CORO7: variants seen among roughly 807,000 people sequenced by gnomAD.
CORO7 encodes the protein coronin-7.
CORO7 carries 107 observed loss-of-function variants against 126.6 expected under a neutral mutation model. The ratio of observed to expected loss-of-function variants is 0.85; its 90% confidence interval spans 0.72 to 0.99. The LOEUF is 0.99. CORO7 is among the 50% of genes least tolerant of loss of function. The pLI, the probability that CORO7 is intolerant of heterozygous loss-of-function variation, is 0.00. For synonymous variants in CORO7, 603 were observed against 536.8 expected (o/e 1.12, Z -1.70); for missense variants, 1,314 against 1,255.8 (o/e 1.05, Z -0.70).
At chr16:4,381,619 G>A (rs369181902) in intron 9 of CORO7, 19 of 1,597,460 alleles carry the variant, frequency 1.2e-5, no homozygotes, top group Admixed American at 6.9e-5. Flanking sequence ...GCGGCTGGCC[G>A]GCAACACCCG....
intron 3 of CORO7, among the ~76,000 whole-genome samples, chr16:4,412,033 G>A (rs74005305): frequency 1.7e-3 from 261 of 152,014 alleles, no homozygotes; most frequent in African/African-American, 5.9e-3. Flanking sequence ...AGCAGAAGAC[G>A]GAGGGCTCAG....
chr16:4,354,994 G>A lies in CORO7; in HGVS notation c.*164C>T. ...CAGCAGAGGTGAAAACAGTCCCTGG[G>A]AACTGCCAGAGGCCCAGAGGATGTG... is the stretch of plus-strand genomic sequence containing the variant. On this transcript the variant is annotated 3_prime_UTR_variant, in exon 28 of 28. Coordinates refer to ENST00000251166, the MANE Select transcript of CORO7 (RefSeq NM_024535.5). 1.5e-6 allele frequency: 1 copy of A among 676,560 alleles called. No homozygotes were observed. The highest frequency in any genetic ancestry group is 2.9e-5 in the East Asian group (1 of 33,908). 41.9% of individuals were successfully genotyped at this position (676,560 alleles called of 1,614,324 possible). A position where few individuals can be genotyped will look rare whatever the true frequency, so the allele number is the denominator to read the frequency against.
At chr16:4,379,335 C>T (rs2141238909) in intron 9 of CORO7, among the ~76,000 whole-genome samples, 1 of 152,186 alleles carries the variant, frequency 6.6e-6, no homozygotes, top group Admixed American at 6.5e-5. Flanking sequence ...AGGGCTCTTC[C>T]TGGGGACGGC....
chr16:4,378,495 C>T (rs2054831210), intron 9 of CORO7, among the ~76,000 whole-genome samples: 1 of 152,142 alleles, frequency 6.6e-6, no homozygotes, highest in Non-Finnish European at 1.5e-5. Flanking sequence ...GGGGGTCACT[C>T]ACAGCCCACA....
intron 8 of CORO7, 90 bp downstream of exon 8, chr16:4,388,455 C>G (rs1178572319): frequency 2.1e-6 from 3 of 1,423,700 alleles, no homozygotes; most frequent in South Asian, 2.6e-5. Flanking sequence ...GGCCCTCAGT[C>G]CCCCGCCTCC....
intron 9 of CORO7, chr16:4,382,612 G>T: frequency 1.9e-6 from 3 of 1,586,204 alleles, no homozygotes; most frequent in Non-Finnish European, 1.7e-6. Context: ...GCTCCTCATT[G>T]CGCCCGCCCT....
At chr16:4,390,070 G>C (rs965437366) in intron 7 of CORO7, among the ~76,000 whole-genome samples, 1 of 152,184 alleles carries the variant, frequency 6.6e-6, no homozygotes, top group African/African-American at 2.4e-5. Context: ...GAAAGTCCCT[G>C]TGCCCGTGGA....
At chr16:4,382,833 G>A (rs2055048374) in intron 9 of CORO7, 1 of 1,598,848 alleles carries the variant, frequency 6.3e-7, no homozygotes, top group South Asian at 1.1e-5. Flanking sequence ...CTGAGTGTGA[G>A]GTGCCACTCA....
In CORO7 at chr16:4,360,379, G is replaced by T. The variant is rs147813961; in HGVS notation, c.2023-16C>A. Reference sequence around the variant, plus strand: ...CTGGGCCTTCCTGTTGAGATACATCGCGTGACACCCAGCCAGCACCCCTGA... The same window carrying T: ...CTGGGCCTTCCTGTTGAGATACATCTCGTGACACCCAGCCAGCACCCCTGA... On this transcript the variant is annotated splice_polypyrimidine_tract_variant and intron_variant, in intron 20 of 27. Transcript: ENST00000251166. The T allele has an allele frequency of 2.5e-6, 4 of 1,613,422 alleles. No homozygotes were observed. The highest frequency in any genetic ancestry group is 4.5e-5 in the East Asian group (2 of 44,856).
At chr16:4,403,368 C>G (rs2055883328) in intron 6 of CORO7, among the ~76,000 whole-genome samples, 1 of 152,166 alleles carries the variant, frequency 6.6e-6, no homozygotes, top group Non-Finnish European at 1.5e-5. Flanking sequence ...GCAGCCGACC[C>G]AGGGCTGAGG....
In CORO7 at chr16:4,388,621, G is replaced by C; in HGVS notation, c.626C>G (p.Ala209Gly). 1 of 1,611,818 alleles carries C rather than the reference G, an allele frequency of 6.2e-7. No homozygotes were observed. The highest frequency in any genetic ancestry group is 1.1e-5 in the South Asian group (1 of 90,572). ...TKPRASQSTQ[A>G]HENSRDSRLA... ...CCGGCTATCCCTGCTGTTCTCATGG[G>C]CCTGCGTGCTCTGCAGGAGGCAAGA... is the stretch of plus-strand genomic sequence containing the variant. The change falls in exon 8 of 28, where the codon GCC becomes GGC. Residue 209 changes from alanine (A) to glycine (G), a missense_variant. By Grantham distance (60) the Ala-to-Gly change is moderately conservative. Coordinates refer to ENST00000251166, the MANE Select transcript of CORO7 (RefSeq NM_024535.5).
Position 4,387,996 on chromosome 16 carries a change from T to C in CORO7, c.775A>G (p.Thr259Ala). The change falls in exon 9 of 28, where the codon ACC becomes GCC. Residue 259 changes from threonine to alanine, a missense_variant. Coordinates refer to ENST00000251166, the MANE Select transcript of CORO7 (RefSeq NM_024535.5). ...TGCCGCAGCTCCTACCCAAGCGAGG[T>C]GTCCAAGGTGAGGGAGGCCAGGGCG... is the stretch of plus-strand genomic sequence containing the variant. The part of the protein sequence containing the change: ...SSALASLTLD[T>A]SLGCLVPLLD... The C allele has an allele frequency of 1.9e-6, 3 of 1,612,942 alleles. No homozygotes were observed. The highest frequency in any genetic ancestry group is 2.5e-6 in the Non-Finnish European group (3 of 1,179,854).
intron 9 of CORO7, among the ~76,000 whole-genome samples, chr16:4,366,693 A>G (rs550847346): frequency 2.0e-5 from 3 of 152,014 alleles, no homozygotes; most frequent in African/African-American, 7.2e-5. Context: ...GGTGTGCACC[A>G]CCATGGCTGG....
At chr16:4,374,285 G>A (rs1050505658) in intron 9 of CORO7, among the ~76,000 whole-genome samples, 10 of 152,176 alleles carry the variant, frequency 6.6e-5, no homozygotes, top group Admixed American at 2.0e-4. Flanking sequence ...AGAGTCAGCC[G>A]GATCGCTTTC....
At chr16:4,359,437 C>T in intron 22 of CORO7, 43 bp downstream of exon 22, 1 of 1,613,462 alleles carries the variant, frequency 6.2e-7, no homozygotes, top group Non-Finnish European at 8.5e-7. Flanking sequence ...GGCCTTCCCC[C>T]CACCACCTCT....
intron 6 of CORO7, among the ~76,000 whole-genome samples, chr16:4,403,482 C>T (rs919763333): frequency 5.3e-5 from 8 of 152,120 alleles, no homozygotes; most frequent in African/African-American, 9.7e-5. Flanking sequence ...GAGGGGGAGT[C>T]GTTCCACTAA....
intron 8 of CORO7, 66 bp from the exon 9 acceptor site, chr16:4,388,134 G>A (rs1327001799): frequency 5.1e-6 from 8 of 1,555,492 alleles, no homozygotes; most frequent in African/African-American, 4.1e-5. Context: ...GGGGCTCCCA[G>A]GGAAACCAGC....
At chr16:4,408,321 G>A (rs2056085275) in intron 3 of CORO7, 70 bp from the exon 4 acceptor site, 1 of 1,605,644 alleles carries the variant, frequency 6.2e-7, no homozygotes, top group Non-Finnish European at 8.5e-7. Flanking sequence ...AAAGCCCAGG[G>A]CTTCCGAGGT....
At position 4,354,976 on chromosome 16, in the gene CORO7, G is replaced by C; in HGVS notation, c.*182C>G. On this transcript the variant is annotated 3_prime_UTR_variant, in exon 28 of 28. Transcript: ENST00000251166. ...AGCAGCTGACCCCAGAGACAGCAGA[G>C]GTGAAAACAGTCCCTGGGAACTGCC... is the stretch of plus-strand genomic sequence containing the variant. 1.7e-6 allele frequency: 1 copy of C among 586,730 alleles called. No homozygotes were observed. The highest frequency in any genetic ancestry group is 2.8e-6 in the Non-Finnish European group (1 of 358,096). The allele number at this position is 586,730 out of a possible 1,614,324, so 36.3% of individuals were successfully genotyped here. A position where few individuals can be genotyped will look rare whatever the true frequency, so the allele number is the denominator to read the frequency against.
Sources: allele counts gnomAD v4.1 joint callset (sites outside exome capture counted in the v4.1 genomes callset), GRCh38; gene constraint gnomAD v4.1.1; transcripts MANE v1.5; gene names NCBI Gene and HGNC (gene_info 2026-07-23, HGNC 2026-07-21).